Variants in EYA1 observed in about 807,000 individuals in gnomAD.
EYA1 encodes the protein EYA transcriptional coactivator and phosphatase 1.
Under a neutral mutation model 82.0 loss-of-function variants are expected in EYA1, and 16 were observed. That is an observed-to-expected ratio of 0.20 (90% CI 0.13 to 0.30). EYA1 has a LOEUF of 0.30. Ranked by LOEUF, EYA1 falls within the 10% of genes least tolerant of loss-of-function variation. The pLI is 1.00. For missense variants in EYA1, 633 were observed against 730.7 expected, an observed-to-expected ratio of 0.87 and a Z score of 1.54; for synonymous variants, 261 against 264.4, an observed-to-expected ratio of 0.99 and a Z score of 0.12.
intron 12 of EYA1, chr8:71,225,294 A>C (rs1490939004): frequency 2.2e-6 from 1 of 456,256 alleles, no homozygotes; most frequent in South Asian, 1.5e-5. Flanking sequence ...ACTCTCTGGA[A>C]GCCCTTGACT....
intron 2 of EYA1, among the ~76,000 whole-genome samples, chr8:71,512,999 C>T (rs1812710123): frequency 6.6e-6 from 1 of 152,120 alleles, no homozygotes; most frequent in African/African-American, 2.4e-5. Context: ...TCATCATTCT[C>T]CGCAGTAGCA....
chr8:71,217,588 CGT>C (rs372443634), intron 12 of EYA1, among the ~76,000 whole-genome samples: 11 of 150,670 alleles, frequency 7.3e-5, no homozygotes, highest in Admixed American at 4.0e-4. Flanking sequence ...TCTCTGTGTA[CGT>C]GTGTGTGTGT....
chr8:71,361,209 TC>T (rs1343228976), intron 1 of EYA1, among the ~76,000 whole-genome samples: 1 of 152,246 alleles, frequency 6.6e-6, no homozygotes, highest in African/African-American at 2.4e-5. Context: ...TTCATTTTTT[TC>T]ATATCAAAGT....
intron 3 of EYA1, among the ~76,000 whole-genome samples, chr8:71,343,302 A>G (rs1164646807): frequency 6.6e-6 from 1 of 152,140 alleles, no homozygotes; most frequent in Non-Finnish European, 1.5e-5. Context: ...CAACTGATTT[A>G]GTTGGTGCTA....
intron 3 of EYA1, among the ~76,000 whole-genome samples, chr8:71,350,850 T>C (rs1247729179): frequency 2.0e-5 from 3 of 152,168 alleles, no homozygotes; most frequent in East Asian, 1.9e-4. Flanking sequence ...AAAACAAAGA[T>C]GGAAAGAATC....
At chr8:71,245,147 A>G (rs1812924634) in intron 11 of EYA1, among the ~76,000 whole-genome samples, 1 of 152,222 alleles carries the variant, frequency 6.6e-6, no homozygotes, top group Non-Finnish European at 1.5e-5. Flanking sequence ...TGCAGCCTGC[A>G]GGCTGCGTGC....
chr8:71,209,507 A>G (rs546570028), intron 17 of EYA1, among the ~76,000 whole-genome samples: 6 of 152,210 alleles, frequency 3.9e-5, no homozygotes, highest in Admixed American at 2.6e-4. Context: ...ATGGGTATTC[A>G]TGAAATTATC....
intron 2 of EYA1, among the ~76,000 whole-genome samples, chr8:71,503,278 G>A (rs551683336): frequency 6.6e-6 from 1 of 152,126 alleles, no homozygotes; most frequent in Admixed American, 6.6e-5. Context: ...GGTGGATCAC[G>A]AGGTCAAGGG....
rs374326482 is a variant in EYA1 at position 71,361,274 on chromosome 8, T to C, written c.-55+373A>G. Among the ~76,000 whole-genome samples, 8 of 152,332 alleles carry C rather than the reference T, an allele frequency of 5.3e-5. No homozygotes were observed. The East Asian group carries it at 1.5e-3, about 29-fold the overall frequency. ...AACATATATGTACCGCTTTATTCAA[T>C]ACCACACAAATATATTTGAGATTTG... On this transcript the variant is annotated intron_variant, in intron 1 of 17. Coordinates refer to ENST00000340726, the MANE Select transcript of EYA1 (RefSeq NM_000503.6).
At chr8:71,450,864 A>T (rs1292949832) in intron 2 of EYA1, among the ~76,000 whole-genome samples, 2 of 152,254 alleles carry the variant, frequency 1.3e-5, no homozygotes, top group African/African-American at 4.8e-5. Context: ...GCATGGGCTA[A>T]AATGGAATTA....
intron 2 of EYA1, among the ~76,000 whole-genome samples, chr8:71,438,356 T>TATAATA (rs1262220047): frequency 1.3e-5 from 2 of 150,944 alleles, no homozygotes. Context: ...AATTAATGTA[T>TATAATA]ATAATATATT....
At chr8:71,458,224 G>A (rs1014148974) in intron 2 of EYA1, among the ~76,000 whole-genome samples, 1 of 152,040 alleles carries the variant, frequency 6.6e-6, no homozygotes, top group African/African-American at 2.4e-5. Flanking sequence ...TTGACTTTAG[G>A]TTGAATTCCT....
chr8:71,251,454 C>T (rs1174437409), intron 11 of EYA1, among the ~76,000 whole-genome samples: 1 of 152,154 alleles, frequency 6.6e-6, no homozygotes, highest in Non-Finnish European at 1.5e-5. Context: ...TCTAACCCTG[C>T]TCCGAAATTA....
chr8:71,456,787 G>C (rs928551855), intron 2 of EYA1, among the ~76,000 whole-genome samples: 1 of 152,094 alleles, frequency 6.6e-6, no homozygotes, highest in Non-Finnish European at 1.5e-5. Context: ...TTAAAGGTTT[G>C]ACCTAAAACC....
intron 2 of EYA1, among the ~76,000 whole-genome samples, chr8:71,476,410 A>G (rs1809667593): frequency 6.6e-6 from 1 of 152,138 alleles, no homozygotes; most frequent in South Asian, 2.1e-4. Context: ...TGCTTGAACA[A>G]TACACTTAAT....
At chr8:71,443,019 G>A (rs1806543132) in intron 2 of EYA1, among the ~76,000 whole-genome samples, 1 of 151,974 alleles carries the variant, frequency 6.6e-6, no homozygotes, top group Admixed American at 6.5e-5. Flanking sequence ...TCAACAAACT[G>A]GCTATCAACA....
chr8:71,364,755 T>G (rs1035198387), upstream of EYA1, among the ~76,000 whole-genome samples: 5 of 151,634 alleles, frequency 3.3e-5, no homozygotes, highest in African/African-American at 1.2e-4. Flanking sequence ...TCAACTGATA[T>G]GAAATGTTTG....
chr8:71,450,693 A>AT (rs766160352), intron 2 of EYA1, among the ~76,000 whole-genome samples: 1 of 152,230 alleles, frequency 6.6e-6, no homozygotes, highest in Non-Finnish European at 1.5e-5. Flanking sequence ...CCTTCTATTC[A>AT]TAAAAACTGT....
intron 2 of EYA1, among the ~76,000 whole-genome samples, chr8:71,461,765 G>T (rs914327279): frequency 6.6e-6 from 1 of 152,098 alleles, no homozygotes; most frequent in African/African-American, 2.4e-5. Flanking sequence ...AGATCCTGAG[G>T]GGGTAGCTCT....
Sources: gnomAD v4.1 joint callset for allele counts (sites outside exome capture counted in the v4.1 genomes callset) on GRCh38, gnomAD v4.1.1 for gene constraint, MANE v1.5 for transcripts, NCBI Gene and HGNC (gene_info 2026-07-23, HGNC 2026-07-21) for gene names.